Variants in GATA4 observed in about 807,000 individuals in gnomAD.
GATA4 encodes GATA binding protein 4.
GATA4 carries 7 observed loss-of-function variants against 37.9 expected under a neutral mutation model. The observed-to-expected ratio is 0.18, with a 90% CI of 0.11 to 0.35. GATA4 has a LOEUF of 0.35. Among genes scored for constraint, GATA4 ranks in the 10% least tolerant of loss-of-function variants. GATA4 has a pLI of 1.00. For synonymous variants in GATA4, 372 were observed against 292.6 expected (o/e 1.27, Z -2.77); for missense variants, 647 against 653.0 (o/e 0.99, Z 0.10).
rs1321826322 is a variant in GATA4, at chr8:11,759,567, C to G, written c.*1092C>G. On this transcript the variant is annotated 3_prime_UTR_variant, in exon 7 of 7. Coordinates refer to ENST00000532059, the MANE Select transcript of GATA4 (RefSeq NM_001308093.3). ...GCAAAAAGCCAGAGATTCTGCAACA[C>G]GAATTCGAAGCAAACAAACACAACA... 1 of 152,292 alleles carries G rather than the reference C, an allele frequency of 6.6e-6. No individual in the cohort carries two copies. The highest frequency in any genetic ancestry group is 6.5e-5 in the Admixed American group (1 of 15,280). 9.4% of individuals were successfully genotyped at this position (152,292 alleles called of 1,614,324 possible). A position where few individuals can be genotyped will look rare whatever the true frequency, so the allele number is the denominator to read the frequency against.
intron 2 of GATA4, among the ~76,000 whole-genome samples, chr8:11,710,937 C>G (rs142433129): frequency 6.6e-6 from 1 of 151,924 alleles, no homozygotes; most frequent in Non-Finnish European, 1.5e-5. Context: ...ATGGTGAAAC[C>G]CCATCTCTAC....
At chr8:11,731,567 G>C (rs1284243724) in intron 2 of GATA4, among the ~76,000 whole-genome samples, 3 of 152,212 alleles carry the variant, frequency 2.0e-5, no homozygotes, top group Non-Finnish European at 2.9e-5. Flanking sequence ...GTTGCCAGGT[G>C]GTGGGGCCAG....
upstream of GATA4, among the ~76,000 whole-genome samples, chr8:11,699,793 A>C (rs1417201003): frequency 6.6e-6 from 1 of 152,188 alleles, no homozygotes; most frequent in African/African-American, 2.4e-5. Context: ...ATTCCTTTCC[A>C]CTTTTTTCCC....
intron 2 of GATA4, among the ~76,000 whole-genome samples, chr8:11,730,255 C>G (rs1037852144): frequency 1.3e-5 from 2 of 152,178 alleles, no homozygotes; most frequent in Non-Finnish European, 2.9e-5. Context: ...ATCCAGCTGT[C>G]TTCGCTGCAG....
At chr8:11,741,792 C>T (rs1235716268) in intron 2 of GATA4, among the ~76,000 whole-genome samples, 1 of 152,210 alleles carries the variant, frequency 6.6e-6, no homozygotes, top group East Asian at 1.9e-4. Context: ...TGAGATCAGA[C>T]AAGATGGGAA....
upstream of GATA4, among the ~76,000 whole-genome samples, chr8:11,703,007 G>A (rs1471442638): frequency 2.0e-5 from 3 of 152,170 alleles, no homozygotes; most frequent in Non-Finnish European, 1.5e-5. Context: ...CCCCCGGGTT[G>A]CCTTCACTCA....
intron 2 of GATA4, among the ~76,000 whole-genome samples, chr8:11,721,443 G>T (rs1437770881): frequency 1.3e-5 from 2 of 151,354 alleles, no homozygotes; most frequent in East Asian, 3.9e-4. Flanking sequence ...TTTGGTTATG[G>T]TATAAGAAGG....
intron 2 of GATA4, among the ~76,000 whole-genome samples, chr8:11,720,054 G>A (rs1800600478): frequency 1.3e-5 from 2 of 151,960 alleles, no homozygotes; most frequent in African/African-American, 4.8e-5. Flanking sequence ...GCAGCCGCAG[G>A]GAGGTGAAAG....
intron 2 of GATA4, among the ~76,000 whole-genome samples, chr8:11,717,498 C>A (rs1563205789): frequency 6.6e-6 from 1 of 152,156 alleles, no homozygotes; most frequent in Non-Finnish European, 1.5e-5. Context: ...AATCTCAGGT[C>A]CCCGTGGGTA....
intron 1 of GATA4, among the ~76,000 whole-genome samples, chr8:11,693,281 C>G (rs1799384651): frequency 6.6e-6 from 1 of 152,134 alleles, no homozygotes; most frequent in East Asian, 1.9e-4. Context: ...GCCTGGGCAC[C>G]ATGGCGAAAC....
chr8:11,758,227 A>C, intron 6 of GATA4, 66 bp from the exon 7 acceptor site: 2 of 1,553,516 alleles, frequency 1.3e-6, no homozygotes, highest in Non-Finnish European at 1.8e-6. Flanking sequence ...CACCCTCCCC[A>C]GCCTAGACCT....
intron 1 of GATA4, among the ~76,000 whole-genome samples, chr8:11,695,637 C>A (rs1381483440): frequency 1.3e-5 from 2 of 152,190 alleles, no homozygotes; most frequent in Non-Finnish European, 2.9e-5. Context: ...CTGACTGGTT[C>A]TCTCCGCTTC....
chr8:11,750,629 C>T (rs1376434118), intron 4 of GATA4, among the ~76,000 whole-genome samples: 8 of 152,002 alleles, frequency 5.3e-5, no homozygotes, highest in African/African-American at 1.9e-4. Context: ...TGTAAAACAT[C>T]TTTGAAATAA....
In GATA4 at chr8:11,729,919, T is replaced by A. The variant is rs183043924; in HGVS notation, c.617-18997T>A. 2.8e-3 allele frequency among the ~76,000 whole-genome samples: 405 copies of A among 146,270 alleles called. 1 individual carries two copies. The highest frequency in any genetic ancestry group is 4.4e-3 in the Non-Finnish European group (283 of 64,264). On this transcript the variant is annotated intron_variant, in intron 2 of 6. Coordinates refer to ENST00000532059, the MANE Select transcript of GATA4 (RefSeq NM_001308093.3). ...CTGGATATTCCTACCACTTACTATT[T>A]GTTGTCGTTGTTTCTATTGTTTTTG...
At chr8:11,681,487 GCT>G (rs1798969627) in intron 1 of GATA4, 1 of 843,300 alleles carries the variant, frequency 1.2e-6, no homozygotes, top group Non-Finnish European at 1.3e-6. Flanking sequence ...GGGGTGCGGC[GCT>G]CGCGGGGGGG....
upstream of GATA4, among the ~76,000 whole-genome samples, chr8:11,703,917 C>T (rs567312549): frequency 3.8e-4 from 58 of 152,336 alleles, no homozygotes; most frequent in Non-Finnish European, 5.1e-4. Context: ...AGAAAGGGAA[C>T]TCATTAATAA....
At chr8:11,739,937 C>T (rs1224481070) in intron 2 of GATA4, among the ~76,000 whole-genome samples, 1 of 152,172 alleles carries the variant, frequency 6.6e-6, no homozygotes, top group African/African-American at 2.4e-5. Context: ...GCTCCTGGAC[C>T]CTCGCAGCCT....
chr8:11,714,906 G>A (rs77757488), intron 2 of GATA4, among the ~76,000 whole-genome samples: 3,142 of 152,248 alleles, frequency 0.021, 94 homozygotes, highest in South Asian at 0.093. Context: ...AGGTGTAGTA[G>A]CCATAAAATT....
chr8:11,730,505 T>G (rs890502921), intron 2 of GATA4, among the ~76,000 whole-genome samples: 5 of 152,234 alleles, frequency 3.3e-5, no homozygotes, highest in African/African-American at 1.2e-4. Context: ...TTATTTGTAC[T>G]GTTCTGGTCA....
Sources: allele counts gnomAD v4.1 joint callset (sites outside exome capture counted in the v4.1 genomes callset), GRCh38; gene constraint gnomAD v4.1.1; transcripts MANE v1.5; gene names NCBI Gene and HGNC (gene_info 2026-07-23, HGNC 2026-07-21).